MYO3B: variants seen among roughly 807,000 people sequenced by gnomAD.
MYO3B encodes myosin IIIB, also known as myosin-IIIb.
In MYO3B, 156 loss-of-function variants were observed where a neutral mutation model predicts 174.6. The ratio of observed to expected loss-of-function variants is 0.89; its 90% CI spans 0.78 to 1.02. The LOEUF is 1.02. Among genes scored for constraint, MYO3B ranks in the 50% least tolerant of loss-of-function variants. The probability of loss-of-function intolerance (pLI) is 0.00; values close to 1 mark genes in which losing one functional copy is unlikely to be tolerated. For missense variants in MYO3B, 1,632 were observed against 1,639.4 expected (o/e 1.00, Z 0.08); for synonymous variants, 563 against 569.1 (o/e 0.99, Z 0.15).
chr2:170,422,123 T>G (rs2105858682), intron 22 of MYO3B, among the ~76,000 whole-genome samples: 1 of 152,260 alleles, frequency 6.6e-6, no homozygotes, highest in East Asian at 1.9e-4. Flanking sequence ...GCCTCCAGAT[T>G]AGATGGGACC....
rs1314234307 is a variant in MYO3B at position 170,400,657 on chromosome 2, CT to C, written c.1918+344del. 1.3e-4 allele frequency among the ~76,000 whole-genome samples: 17 copies of C among 131,908 alleles called. No homozygotes were observed. The East Asian group carries it at 2.0e-3, about 15-fold the overall frequency. 86.5% of individuals were successfully genotyped at this position (131,908 alleles called of 152,430 possible). A position where few individuals can be genotyped will look rare whatever the true frequency, so the allele number is the denominator to read the frequency against. ...TGACCTCATGATCCACCCCCCCCCCCTCGGCCTCCCAAAGTGTTGGGATTCA... is the reference window on the plus strand; with the variant it reads ...TGACCTCATGATCCACCCCCCCCCCCCGGCCTCCCAAAGTGTTGGGATTCA... On this transcript the variant is annotated intron_variant, in intron 17 of 34. Transcript: ENST00000408978.
chr2:170,255,289 C>G lies in MYO3B; in HGVS notation c.749+19153C>G, dbSNP rs542907967. On this transcript the variant is annotated intron_variant, in intron 7 of 34. Coordinates refer to ENST00000408978, the MANE Select transcript of MYO3B (RefSeq NM_138995.5). ...CAATGTCAGTCATTGTAGGAGGCTC[C>G]CTCAAAACCCAGGAGTGGACTTAGT... Among the ~76,000 whole-genome samples the G allele has an allele frequency of 4.6e-5, 7 of 152,130 alleles. No homozygotes were observed. The East Asian group carries it at 1.2e-3, about 25-fold the overall frequency.
chr2:170,603,776 G>A (rs77320968), intron 32 of MYO3B, among the ~76,000 whole-genome samples: 4,721 of 152,146 alleles, frequency 0.031, 264 homozygotes, highest in African/African-American at 0.11. Flanking sequence ...TAACATAATG[G>A]CACATCCATA....
intron 25 of MYO3B, among the ~76,000 whole-genome samples, chr2:170,489,015 A>G (rs1686256678): frequency 6.6e-6 from 1 of 152,236 alleles, no homozygotes; most frequent in Non-Finnish European, 1.5e-5. Context: ...ATGAGTTCCA[A>G]TGAGGTGAAA....
intron 8 of MYO3B, among the ~76,000 whole-genome samples, chr2:170,364,279 A>C (rs2094182541): frequency 1.7e-5 from 1 of 57,720 alleles, no homozygotes; most frequent in South Asian, 7.9e-4. Context: ...GCTCAAATAG[A>C]ATTAAACTTT....
intron 22 of MYO3B, among the ~76,000 whole-genome samples, chr2:170,415,770 G>A (rs1206638925): frequency 2.6e-5 from 4 of 151,990 alleles, no homozygotes; most frequent in African/African-American, 7.2e-5. Flanking sequence ...CTACTTGTAC[G>A]CAGCATCCCT....
rs186289097 is a variant in MYO3B, at chr2:170,471,252, G to A, written c.3014+4541G>A. Among the ~76,000 whole-genome samples, 444 of 152,146 alleles carry A rather than the reference G, an allele frequency of 2.9e-3. 1 individual carries two copies. The highest frequency in any genetic ancestry group is 9.2e-3 in the African/African-American group (380 of 41,514). ...TTTAATAGAGATGGGGTTTCACCAT[G>A]TTGGTCAGGGTGGTCTCGAACTCCT... is the stretch of plus-strand genomic sequence containing the variant. On this transcript the variant is annotated intron_variant, in intron 25 of 34. Transcript: ENST00000408978.
intron 16 of MYO3B, among the ~76,000 whole-genome samples, chr2:170,398,652 C>T (rs190594035): frequency 3.3e-5 from 5 of 152,098 alleles, no homozygotes; most frequent in African/African-American, 9.6e-5. Flanking sequence ...TTGTAAATAA[C>T]GAAAGACTCC....
intron 9 of MYO3B, among the ~76,000 whole-genome samples, chr2:170,373,733 A>C (rs1033320417): frequency 1.3e-5 from 2 of 151,754 alleles, no homozygotes; most frequent in Admixed American, 6.6e-5. Context: ...AAAGAGAGAA[A>C]CTCTAAGTTG....
rs375982264 is a variant in MYO3B, at chr2:170,383,056, A to G, written c.1069-17A>G. ...TGGGAATAATATTTACCTCAATACCATTTATCCTCTTCTTAGGATACAATT... is the reference window on the plus strand; with the variant it reads ...TGGGAATAATATTTACCTCAATACCGTTTATCCTCTTCTTAGGATACAATT... On this transcript the variant is annotated splice_polypyrimidine_tract_variant and intron_variant, in intron 10 of 34. Coordinates refer to ENST00000408978, the MANE Select transcript of MYO3B (RefSeq NM_138995.5). 73 of 1,479,516 alleles carry G rather than the reference A, an allele frequency of 4.9e-5. No individual in the cohort carries two copies. Among genetic ancestry groups the G allele is most frequent in the Non-Finnish European group, 6.5e-5 (69 of 1,058,412 alleles). The allele number at this position is 1,479,516 out of a possible 1,614,324, so 91.6% of individuals were successfully genotyped here. A position where few individuals can be genotyped will look rare whatever the true frequency, so the allele number is the denominator to read the frequency against.
intron 32 of MYO3B, among the ~76,000 whole-genome samples, chr2:170,556,224 T>C (rs1691283132): frequency 6.6e-6 from 1 of 152,148 alleles, no homozygotes; most frequent in East Asian, 1.9e-4. Flanking sequence ...CCTTCATGTC[T>C]TGTCATGGCT....
At chr2:170,652,911 T>C (rs1283634462) in intron 34 of MYO3B, 72 bp from the exon 35 acceptor site, 18 of 1,569,388 alleles carry the variant, frequency 1.1e-5, no homozygotes, top group Admixed American at 1.7e-5. Flanking sequence ...CACATGACTT[T>C]AGCTGCCCCA....
chr2:170,499,555 G>T, intron 26 of MYO3B, 91 bp from the exon 27 acceptor site: 1 of 1,198,836 alleles, frequency 8.3e-7, no homozygotes, highest in East Asian at 2.5e-5. Context: ...TTATATCATT[G>T]TTTTAATATT....
chr2:170,291,065 A>C (rs549878058), intron 7 of MYO3B, among the ~76,000 whole-genome samples: 1 of 152,132 alleles, frequency 6.6e-6, no homozygotes, highest in Non-Finnish European at 1.5e-5. Context: ...CCTGGCCAAC[A>C]TGGTGAAACC....
chr2:170,543,048 C>A (rs1444394652), intron 31 of MYO3B, 82 bp downstream of exon 31: 13 of 1,172,860 alleles, frequency 1.1e-5, no homozygotes, highest in Non-Finnish European at 1.6e-5. Flanking sequence ...AGCTTGTCTG[C>A]GGCTGCGTGG....
At chr2:170,551,538 C>CAAAA (rs3072763) in intron 32 of MYO3B, among the ~76,000 whole-genome samples, 1 of 56,202 alleles carries the variant, frequency 1.8e-5, no homozygotes, top group Non-Finnish European at 3.2e-5. Flanking sequence ...TGACTTTTTG[C>CAAAA]AAAAAAAAAA....
intron 14 of MYO3B, among the ~76,000 whole-genome samples, chr2:170,390,325 G>A (rs960486778): frequency 6.6e-6 from 1 of 152,106 alleles, no homozygotes; most frequent in Non-Finnish European, 1.5e-5. Context: ...CTACTTTGGA[G>A]GCTGAGGTGC....
chr2:170,613,037 C>A (rs1324035582), intron 32 of MYO3B, among the ~76,000 whole-genome samples: 11 of 152,114 alleles, frequency 7.2e-5, no homozygotes, highest in Non-Finnish European at 5.9e-5. Context: ...CCTGAGCAGG[C>A]GACTCTGGTA....
intron 28 of MYO3B, among the ~76,000 whole-genome samples, chr2:170,513,813 A>T (rs1688126849): frequency 6.6e-6 from 1 of 152,212 alleles, no homozygotes; most frequent in Admixed American, 6.5e-5. Flanking sequence ...GACAAGGGTG[A>T]CACCAAGTTG....
Sources: gnomAD v4.1 joint callset for allele counts (sites outside exome capture counted in the v4.1 genomes callset) on GRCh38, gnomAD v4.1.1 for gene constraint, MANE v1.5 for transcripts, NCBI Gene and HGNC (gene_info 2026-07-23, HGNC 2026-07-21) for gene names.